RAB38: variants seen among roughly 807,000 people sequenced by gnomAD.
RAB38 encodes ras-related protein Rab-38.
Under a neutral mutation model 18.4 loss-of-function variants are expected in RAB38, and 15 were observed. The ratio of observed to expected loss-of-function variants is 0.82; its 90% CI spans 0.55 to 1.26. The LOEUF (loss-of-function observed/expected upper bound fraction) is 1.26, where lower values mean the gene tolerates loss of function less well. Ranked by LOEUF, RAB38 falls within the 50% of genes most tolerant of loss-of-function variation. RAB38 has a pLI of 0.00. For synonymous variants in RAB38, 101 were observed against 104.4 expected (o/e 0.97, Z 0.20); for missense variants, 294 against 267.4 (o/e 1.10, Z -0.69).
the RAB38 span, among the ~76,000 whole-genome samples, chr11:87,947,513 T>C: frequency 1.6e-4 from 25 of 152,326 alleles, no homozygotes; most frequent in Non-Finnish European, 3.4e-4. Context: ...AGGGTTTTTA[T>C]GGTTTCAGGT....
At chr11:88,059,757 T>C in the RAB38 span, among the ~76,000 whole-genome samples, 1 of 148,292 alleles carries the variant, frequency 6.7e-6, no homozygotes, top group Non-Finnish European at 1.5e-5. Flanking sequence ...GACACCTATG[T>C]ACCAGCACTT....
At chr11:87,814,040 C>T in the RAB38 span, among the ~76,000 whole-genome samples, 7 of 152,018 alleles carry the variant, frequency 4.6e-5, no homozygotes, top group African/African-American at 1.7e-4. Context: ...ATAGAAAGGC[C>T]AGGAGCAAAC....
chr11:87,850,399 G>C, the RAB38 span, among the ~76,000 whole-genome samples: 1 of 151,968 alleles, frequency 6.6e-6, no homozygotes, highest in Non-Finnish European at 1.5e-5. Context: ...ATAACTGACA[G>C]TGTTGCTTTT....
chr11:88,033,941 A>G, the RAB38 span, among the ~76,000 whole-genome samples: 7 of 151,782 alleles, frequency 4.6e-5, no homozygotes, highest in Non-Finnish European at 7.4e-5. Context: ...GTTAGCCAGG[A>G]TGGTCTCGAT....
At chr11:87,851,091 C>T in the RAB38 span, among the ~76,000 whole-genome samples, 4 of 152,186 alleles carry the variant, frequency 2.6e-5, no homozygotes, top group African/African-American at 4.8e-5. Context: ...CTTGGCCTTC[C>T]CTTTGAAAAA....
the RAB38 span, among the ~76,000 whole-genome samples, chr11:87,860,518 T>A: frequency 2.0e-4 from 30 of 152,114 alleles, no homozygotes; most frequent in Middle Eastern, 3.4e-3. Flanking sequence ...AGATATTTAC[T>A]TTCATTGCGA....
At chr11:87,976,542 T>C in the RAB38 span, among the ~76,000 whole-genome samples, 1 of 128,200 alleles carries the variant, frequency 7.8e-6, no homozygotes, top group South Asian at 2.3e-4. Context: ...TTTACATTTA[T>C]ATTTTATATA....
At chr11:88,146,077 T>C (rs1400848736) in intron 2 of RAB38, among the ~76,000 whole-genome samples, 5 of 152,132 alleles carry the variant, frequency 3.3e-5, no homozygotes. Context: ...TTAATTTTTA[T>C]TTTTTCTCTC....
the RAB38 span, among the ~76,000 whole-genome samples, chr11:88,069,071 G>C: frequency 2.2e-4 from 34 of 152,228 alleles, no homozygotes; most frequent in East Asian, 3.7e-3. Flanking sequence ...GGCAGGAACC[G>C]GGGCTGTGCA....
the RAB38 span, among the ~76,000 whole-genome samples, chr11:87,860,981 C>T: frequency 6.6e-6 from 1 of 151,742 alleles, no homozygotes; most frequent in Admixed American, 6.6e-5. Flanking sequence ...AAAGCTAGAA[C>T]AAAAATCAAA....
At chr11:88,093,718 T>A in the RAB38 span, among the ~76,000 whole-genome samples, 3 of 151,958 alleles carry the variant, frequency 2.0e-5, no homozygotes, top group East Asian at 5.8e-4. Flanking sequence ...TCCAACTACT[T>A]ACAGTAAAAA....
downstream of RAB38, among the ~76,000 whole-genome samples, chr11:88,108,308 T>C (rs1446046005): frequency 6.6e-6 from 1 of 152,210 alleles, no homozygotes; most frequent in African/African-American, 2.4e-5. Flanking sequence ...TGTTCCTGTA[T>C]TGGATGCATA....
At chr11:88,114,568 T>A (rs920824723) in intron 2 of RAB38, among the ~76,000 whole-genome samples, 8 of 152,206 alleles carry the variant, frequency 5.3e-5, no homozygotes, top group African/African-American at 1.9e-4. Context: ...TAGTATGCAT[T>A]AATGGTTTCA....
At chr11:88,123,968 T>C (rs1272952527) in intron 2 of RAB38, among the ~76,000 whole-genome samples, 55 of 152,214 alleles carry the variant, frequency 3.6e-4, no homozygotes. Context: ...TTATATATGA[T>C]TCTTATGCCC....
At chr11:87,952,530 C>G in the RAB38 span, among the ~76,000 whole-genome samples, 1 of 152,188 alleles carries the variant, frequency 6.6e-6, no homozygotes, top group Non-Finnish European at 1.5e-5. Flanking sequence ...TTCCTTCACC[C>G]TGCATTGGGC....
At chr11:88,136,514 G>A (rs1390960604) in intron 2 of RAB38, among the ~76,000 whole-genome samples, 1 of 152,204 alleles carries the variant, frequency 6.6e-6, no homozygotes, top group East Asian at 1.9e-4. Context: ...AAGCCACTCT[G>A]CCCAGGGTTG....
the RAB38 span, among the ~76,000 whole-genome samples, chr11:88,015,052 ATTT>A: frequency 4.0e-5 from 6 of 149,702 alleles, no homozygotes; most frequent in South Asian, 8.5e-4. Flanking sequence ...AGTTGCCTGT[ATTT>A]TTTTTTTTTT....
chr11:87,904,930 CTT>C, the RAB38 span, among the ~76,000 whole-genome samples: 11 of 151,668 alleles, frequency 7.3e-5, no homozygotes, highest in Middle Eastern at 3.2e-3. Context: ...AGTTTGAAAA[CTT>C]TTTACCATTA....
At chr11:87,960,215 A>C in the RAB38 span, among the ~76,000 whole-genome samples, 1 of 152,118 alleles carries the variant, frequency 6.6e-6, no homozygotes, top group African/African-American at 2.4e-5. Context: ...ATTACAATGC[A>C]GATTCCTGAG....
Sources: allele counts gnomAD v4.1 joint callset (sites outside exome capture counted in the v4.1 genomes callset), GRCh38; gene constraint gnomAD v4.1.1; transcripts MANE v1.5; gene names NCBI Gene and HGNC (gene_info 2026-07-23, HGNC 2026-07-21).